The following TOM1 variants were observed in gnomAD, a reference collection of about 807,000 sequenced individuals.
TOM1 encodes target of Myb protein 1.
A neutral mutation model predicts 61.3 loss-of-function variants in TOM1; 38 were observed. That is an observed-to-expected ratio of 0.62 (90% CI 0.48 to 0.81). The LOEUF (loss-of-function observed/expected upper bound fraction) is 0.81, where lower values mean the gene tolerates loss of function less well. Among genes scored for constraint, TOM1 ranks in the 40% least tolerant of loss-of-function variants. The probability of loss-of-function intolerance (pLI) is 0.00; values close to 1 mark genes in which losing one functional copy is unlikely to be tolerated. For synonymous variants in TOM1, 270 were observed against 268.8 expected (o/e 1.00, Z -0.04); for missense variants, 591 against 659.6 (o/e 0.90, Z 1.14).
chr22:35,316,997 G>C (rs1429060372), intron 1 of TOM1, among the ~76,000 whole-genome samples: 1 of 152,060 alleles, frequency 6.6e-6, no homozygotes, highest in African/African-American at 2.4e-5. Flanking sequence ...GTTAGTAATG[G>C]AGCGTTTGCT....
In TOM1 at chr22:35,323,278, C is replaced by T. The variant is rs749418614; in HGVS notation, c.366+101C>T. On this transcript the variant is annotated intron_variant, in intron 4 of 14. Transcript: ENST00000449058. The surrounding 1 kb of genome is among the most constrained non-coding windows in gnomAD (Gnocchi z 4.2). ...AGGCCATCGTGTTTGTCCCAGGCTC[C>T]GCTTCTCATTTCGGGGCGTCTCGGT... 1.5e-4 allele frequency: 231 copies of T among 1,502,628 alleles called. No homozygotes were observed. The highest frequency in any genetic ancestry group is 6.7e-4 in the Admixed American group (32 of 47,696). The allele number at this position is 1,502,628 out of a possible 1,614,324, so 93.1% of individuals were successfully genotyped here. A position where few individuals can be genotyped will look rare whatever the true frequency, so the allele number is the denominator to read the frequency against.
chr22:35,333,690 C>A (rs1929034753), intron 10 of TOM1, among the ~76,000 whole-genome samples, 193 bp downstream of exon 10: 1 of 152,154 alleles, frequency 6.6e-6, no homozygotes, highest in South Asian at 2.1e-4. Context: ...CCCCACAAGT[C>A]CTGAGCCGCC....
At chr22:35,336,248 A>C (rs1353181509) in intron 11 of TOM1, among the ~76,000 whole-genome samples, 1 of 152,116 alleles carries the variant, frequency 6.6e-6, no homozygotes, top group African/African-American at 2.4e-5. Flanking sequence ...GGACCTGAGC[A>C]TCCATTTCGT....
chr22:35,299,898 C>G lies in TOM1; in HGVS notation c.-31C>G. The G allele has an allele frequency of 6.4e-7, 1 of 1,571,732 alleles. No homozygotes were observed. Among genetic ancestry groups the G allele is most frequent in the Non-Finnish European group, 8.6e-7 (1 of 1,157,084 alleles). On this transcript the variant is annotated 5_prime_UTR_variant, in exon 1 of 15. Coordinates refer to ENST00000449058, the MANE Select transcript of TOM1 (RefSeq NM_005488.3). ...CGCTGGCGGTTGCTGTCAGCTGATT[C>G]CCGGGGTTGGTGGCAGCGGCGGTAG...
chr22:35,308,624 C>T (rs1926554677), intron 1 of TOM1, among the ~76,000 whole-genome samples: 1 of 152,108 alleles, frequency 6.6e-6, no homozygotes, highest in African/African-American at 2.4e-5. Flanking sequence ...ACAAAGCCCA[C>T]TCCACCCCTG....
At chr22:35,330,323 T>A in intron 7 of TOM1, 24 bp from the exon 8 acceptor site, 1 of 1,594,200 alleles carries the variant, frequency 6.3e-7, no homozygotes. Flanking sequence ...GTGACTGTGG[T>A]TGCCTCACTT....
chr22:35,334,223 C>T, intron 10 of TOM1, 105 bp from the exon 11 acceptor site: 1 of 1,469,910 alleles, frequency 6.8e-7, no homozygotes, highest in Non-Finnish European at 9.1e-7. Context: ...CCCACACGTG[C>T]CACTTCCCCA....
chr22:35,303,397 G>A (rs1926025575), intron 1 of TOM1, among the ~76,000 whole-genome samples: 1 of 152,040 alleles, frequency 6.6e-6, no homozygotes, highest in South Asian at 2.1e-4. Context: ...TCACAGGGTG[G>A]TTGCTGGAAT....
At chr22:35,342,467 G>C (rs1929950661) in intron 12 of TOM1, among the ~76,000 whole-genome samples, 1 of 152,038 alleles carries the variant, frequency 6.6e-6, no homozygotes, top group Non-Finnish European at 1.5e-5. Flanking sequence ...TCTAAAACCT[G>C]GGTGCCTGTC....
At chr22:35,339,007 A>G (rs1426297535) in intron 12 of TOM1, among the ~76,000 whole-genome samples, 1 of 152,210 alleles carries the variant, frequency 6.6e-6, no homozygotes, top group African/African-American at 2.4e-5. Context: ...CAAGCCCACA[A>G]GCAAGGATTC....
At chr22:35,320,987 G>GAAAAAAA (rs138783) in intron 2 of TOM1, among the ~76,000 whole-genome samples, 5 of 88,952 alleles carry the variant, frequency 5.6e-5, no homozygotes, top group South Asian at 4.6e-4. Context: ...GTCTCAGAAG[G>GAAAAAAA]AAAAAAAAAA....
Position 35,319,816 on chromosome 22 carries a change from G to C in TOM1, c.137+1855G>C, listed in dbSNP as rs3788510. Among the ~76,000 whole-genome samples the C allele has an allele frequency of 8.7e-3, 1,327 of 152,292 alleles. 89 individuals are homozygous for C. The East Asian group carries it at 0.18, about 20-fold the overall frequency. ...TTGGAAACTGCTCTCAGGCTTCTGG[G>C]CCAGGACCCCCCTTGGTGGGCCACC... On this transcript the variant is annotated intron_variant, in intron 2 of 14. Transcript: ENST00000449058.
In TOM1 at chr22:35,308,214, C is replaced by CTG. The variant is rs147639234; in HGVS notation, c.52+8250_52+8251dup. Reference sequence around the variant, plus strand: ...ATTCCTTAAGCGCTCGCTCTTTCTCCTGTGTGTGTGTGTGTGTCTGTCTCT... The same window carrying CTG: ...ATTCCTTAAGCGCTCGCTCTTTCTCCTGTGTGTGTGTGTGTGTGTCTGTCTCT... On this transcript the variant is annotated intron_variant, in intron 1 of 14. Coordinates refer to ENST00000449058, the MANE Select transcript of TOM1 (RefSeq NM_005488.3). Among the ~76,000 whole-genome samples the CTG allele has an allele frequency of 4.1e-4, 62 of 151,206 alleles. 1 individual carries two copies. The highest frequency in any genetic ancestry group is 1.3e-3 in the South Asian group (6 of 4,766).
At chr22:35,317,821 T>G (rs1569023897) in intron 1 of TOM1, 56 bp from the exon 2 acceptor site, 2 of 1,396,942 alleles carry the variant, frequency 1.4e-6, no homozygotes, top group Non-Finnish European at 1.0e-6. Context: ...ACCCACGGTT[T>G]GAGTTTACCC....
chr22:35,323,493 C>T lies in TOM1; in HGVS notation c.367-3C>T. 6.2e-7 allele frequency: 1 copy of T among 1,613,988 alleles called. No individual in the cohort carries two copies. The highest frequency in any genetic ancestry group is 8.5e-7 in the Non-Finnish European group (1 of 1,179,964). Reference sequence around the variant, plus strand: ...CCGGCTGTGTCCCCTTGTCCCCTCTCAGTCCTGGGCTGACGCGTTCCGCAG... The same window carrying T: ...CCGGCTGTGTCCCCTTGTCCCCTCTTAGTCCTGGGCTGACGCGTTCCGCAG... On this transcript the variant is annotated splice_polypyrimidine_tract_variant and splice_region_variant and intron_variant, in intron 4 of 14. Transcript: ENST00000449058. This position sits in a 1 kb window ranked among gnomAD's most constrained non-coding sequence, Gnocchi z 4.2.
intron 6 of TOM1, among the ~76,000 whole-genome samples, chr22:35,324,157 G>T (rs894854123): frequency 6.6e-6 from 1 of 152,346 alleles, no homozygotes. Context: ...CTCCTGGCAG[G>T]CACTGCCCTG....
intron 1 of TOM1, among the ~76,000 whole-genome samples, chr22:35,301,799 C>G (rs1353917434): frequency 3.8e-5 from 4 of 104,426 alleles, no homozygotes; most frequent in Non-Finnish European, 1.0e-4. Context: ...CTCAAAGGAC[C>G]CCTGCCCTCC....
intron 11 of TOM1, chr22:35,335,873 TAGGA>T (rs913904255): frequency 5.8e-5 from 9 of 154,206 alleles, no homozygotes; most frequent in African/African-American, 2.2e-4. Context: ...TGCTGGGTGA[TAGGA>T]AGGCCATTTC....
At chr22:35,341,051 A>G (rs1929838613) in intron 12 of TOM1, among the ~76,000 whole-genome samples, 1 of 152,226 alleles carries the variant, frequency 6.6e-6, no homozygotes, top group Non-Finnish European at 1.5e-5. Context: ...CATCCACCGC[A>G]CACACCAGTC....
Sources: gnomAD v4.1 joint callset for allele counts (sites outside exome capture counted in the v4.1 genomes callset) on GRCh38, gnomAD v4.1.1 for gene constraint, Gnocchi (gnomAD v3.1) non-coding constraint, MANE v1.5 for transcripts, NCBI Gene and HGNC (gene_info 2026-07-23, HGNC 2026-07-21) for gene names.